Variants in RTN4 observed in about 807,000 individuals in gnomAD.
The protein encoded by RTN4 is reticulon 4.
In RTN4, 32 loss-of-function variants were observed where a neutral mutation model predicts 90.4. The ratio of observed to expected loss-of-function variants is 0.35; its 90% CI spans 0.27 to 0.48. RTN4 has a LOEUF of 0.48. Ranked by LOEUF, RTN4 falls within the 20% of genes least tolerant of loss-of-function variation. The probability of loss-of-function intolerance (pLI) is 0.99; values close to 1 mark genes in which losing one functional copy is unlikely to be tolerated. For missense variants in RTN4, 1,706 were observed against 1,430.2 expected, an observed-to-expected ratio of 1.19 and a Z score of -3.11; for synonymous variants, 629 against 552.5, an observed-to-expected ratio of 1.14 and a Z score of -1.94.
rs74992710 is a variant in RTN4 at position 55,017,064 on chromosome 2, C to T, written c.3013+8022G>A. On this transcript the variant is annotated intron_variant, in intron 3 of 8. Coordinates refer to ENST00000337526, the MANE Select transcript of RTN4 (RefSeq NM_020532.5). Reference sequence around the variant, plus strand: ...TCACTTTTTAAAAAGTAAATATAATCGTTTCCTTTATTAACAAGAGTCAGG... The same window carrying T: ...TCACTTTTTAAAAAGTAAATATAATTGTTTCCTTTATTAACAAGAGTCAGG... 1.1e-3 allele frequency among the ~76,000 whole-genome samples: 171 copies of T among 152,192 alleles called. 2 individuals carry two copies. In the East Asian group the frequency reaches 0.029, roughly 25 times the overall value.
At chr2:55,089,729 G>A (rs1668904145) in intron 1 of RTN4, among the ~76,000 whole-genome samples, 2 of 152,232 alleles carry the variant, frequency 1.3e-5, no homozygotes, top group South Asian at 2.1e-4. Context: ...TCCAAAGCAA[G>A]GCCATTCTAC....
Position 54,974,709 on chromosome 2 carries a change from G to A in RTN4, c.3416C>T (p.Thr1139Ile), listed in dbSNP as rs537688026. 1 of 1,613,618 alleles carries A rather than the reference G, an allele frequency of 6.2e-7. No individual in the cohort carries two copies. Among genetic ancestry groups the A allele is most frequent in the Non-Finnish European group, 8.5e-7 (1 of 1,179,550 alleles). Residue 1139 changes from threonine to isoleucine, a missense_variant, in exon 6 of 9, where the codon ACA (threonine) becomes ATA (isoleucine). By Grantham distance (89) the Thr-to-Ile change is moderately conservative (BLOSUM62 -1). Coordinates refer to ENST00000337526, the MANE Select transcript of RTN4 (RefSeq NM_020532.5). ...TYVGALFNGL[T>I]LLILALISLF... ...TGTAGACTTACCCAAAATCAGTAGTGTCAGACCATTAAACAAGGCACCAAC... is the reference window on the plus strand; with the variant it reads ...TGTAGACTTACCCAAAATCAGTAGTATCAGACCATTAAACAAGGCACCAAC...
upstream of RTN4, among the ~76,000 whole-genome samples, chr2:55,055,769 CA>C (rs1316922151): frequency 9.0e-3 from 882 of 98,046 alleles, 31 homozygotes; most frequent in Admixed American, 0.073. Context: ...GACTCCGTCT[CA>C]AAAAAAAAAA....
chr2:55,075,208 G>T (rs1462396581), intron 2 of RTN4, among the ~76,000 whole-genome samples: 1 of 152,138 alleles, frequency 6.6e-6, no homozygotes, highest in East Asian at 1.9e-4. Context: ...TCCTAGAACT[G>T]GTAAATGAAT....
intron 8 of RTN4, 66 bp downstream of exon 8, chr2:54,973,497 A>AAAT (rs1677315787): frequency 5.5e-6 from 7 of 1,265,982 alleles, no homozygotes; most frequent in Non-Finnish European, 6.9e-6. Flanking sequence ...TGCAATATGA[A>AAAT]AATACTGTTC....
At chr2:55,125,000 T>C in the RTN4 span, among the ~76,000 whole-genome samples, 2 of 152,204 alleles carry the variant, frequency 1.3e-5, no homozygotes, top group Non-Finnish European at 2.9e-5. Flanking sequence ...CTGGGATAAC[T>C]GGCTAGCCAT....
intron 2 of RTN4, among the ~76,000 whole-genome samples, chr2:55,068,707 G>T (rs1298935379): frequency 6.7e-6 from 1 of 149,758 alleles, no homozygotes; most frequent in East Asian, 2.0e-4. Flanking sequence ...AGTTTGGCTT[G>T]CAGCTCAAAT....
chr2:55,017,425 G>A (rs1681121841), intron 3 of RTN4, among the ~76,000 whole-genome samples: 1 of 152,118 alleles, frequency 6.6e-6, no homozygotes, highest in Non-Finnish European at 1.5e-5. Context: ...TAAAGTGAGT[G>A]ATCATGGTAA....
intron 1 of RTN4, among the ~76,000 whole-genome samples, chr2:55,096,894 A>G (rs1667742807): frequency 6.6e-6 from 1 of 151,992 alleles, no homozygotes; most frequent in Admixed American, 6.6e-5. Context: ...AATGAGGTGT[A>G]GTTGGAGTGA....
At chr2:55,040,793 A>T (rs976290664) in intron 1 of RTN4, among the ~76,000 whole-genome samples, 2 of 144,696 alleles carry the variant, frequency 1.4e-5, no homozygotes, top group Non-Finnish European at 3.1e-5. Flanking sequence ...AGGCCTAGTT[A>T]AAAAAAAAAA....
At chr2:55,056,323 G>C (rs781199604) in intron 2 of RTN4, among the ~76,000 whole-genome samples, 5 of 152,114 alleles carry the variant, frequency 3.3e-5, no homozygotes, top group Admixed American at 1.3e-4. Flanking sequence ...TGGTATCACA[G>C]TGCTGCATTC....
At chr2:55,106,735 G>T (rs890350090) in intron 1 of RTN4, among the ~76,000 whole-genome samples, 2 of 152,010 alleles carry the variant, frequency 1.3e-5, no homozygotes, top group Non-Finnish European at 2.9e-5. Flanking sequence ...GGCTAGGCTG[G>T]TCTCGAACAC....
chr2:55,079,372 GT>G (rs1050350669), intron 2 of RTN4, among the ~76,000 whole-genome samples: 12 of 151,978 alleles, frequency 7.9e-5, no homozygotes, highest in African/African-American at 2.9e-4. Flanking sequence ...AGGAAGGAGA[GT>G]TTTTTTTGTT....
chr2:55,057,382 T>C (rs1271706420), intron 2 of RTN4, among the ~76,000 whole-genome samples: 1 of 152,218 alleles, frequency 6.6e-6, no homozygotes, highest in Non-Finnish European at 1.5e-5. Flanking sequence ...GCAAAGTATA[T>C]ATGGGAACCA....
At chr2:55,132,707 G>C in the RTN4 span, among the ~76,000 whole-genome samples, 1 of 149,906 alleles carries the variant, frequency 6.7e-6, no homozygotes, top group Non-Finnish European at 1.5e-5. Context: ...CTAGCTACTT[G>C]AGAGGCTGAC....
At chr2:54,989,652 C>T (rs576023092) in intron 3 of RTN4, among the ~76,000 whole-genome samples, 4 of 152,020 alleles carry the variant, frequency 2.6e-5, no homozygotes, top group South Asian at 2.1e-4. Flanking sequence ...AGGTCTTGTC[C>T]AACATTACAA....
At chr2:55,058,162 AG>A (rs1285554321) in intron 2 of RTN4, among the ~76,000 whole-genome samples, 1 of 152,188 alleles carries the variant, frequency 6.6e-6, no homozygotes, top group Non-Finnish European at 1.5e-5. Context: ...GAAAAGTTGG[AG>A]GGAATATTTT....
intron 3 of RTN4, among the ~76,000 whole-genome samples, chr2:55,000,586 A>G (rs1465393970): frequency 6.6e-6 from 1 of 152,194 alleles, no homozygotes; most frequent in East Asian, 1.9e-4. Context: ...CATTACCTCG[A>G]ATCCATAACA....
At chr2:55,016,236 A>G (rs890574795) in intron 3 of RTN4, among the ~76,000 whole-genome samples, 1 of 152,222 alleles carries the variant, frequency 6.6e-6, no homozygotes, top group Non-Finnish European at 1.5e-5. Context: ...AAGCTTATAA[A>G]CAATATATAG....
Sources: allele counts gnomAD v4.1 joint callset (sites outside exome capture counted in the v4.1 genomes callset), GRCh38; gene constraint gnomAD v4.1.1; transcripts MANE v1.5; gene names NCBI Gene and HGNC (gene_info 2026-07-23, HGNC 2026-07-21).